NTRK1: variants seen among roughly 807,000 people sequenced by gnomAD.
The protein encoded by NTRK1 is neurotrophic receptor tyrosine kinase 1, also known as high affinity nerve growth factor receptor.
In NTRK1, 62 loss-of-function variants were observed where a neutral mutation model predicts 86.8. That is an observed-to-expected ratio of 0.71 (90% CI 0.58 to 0.88). The LOEUF is 0.88. Among genes scored for constraint, NTRK1 ranks in the 40% least tolerant of loss-of-function variants. NTRK1 has a pLI of 0.00. For missense variants in NTRK1, 967 were observed against 1,078.4 expected (o/e 0.90, Z 1.45); for synonymous variants, 469 against 456.6 (o/e 1.03, Z -0.35).
chr1:156,854,009 G>A lies in NTRK1; in HGVS notation c.51-10345G>A, dbSNP rs55757706. ...CAGCACGGCCCCAAGTGCAGGCAGT[G>A]CCACGTCACGCAGATGTGGCATCTC... On this transcript the variant is annotated intron_variant, in intron 2 of 16. Transcript: ENST00000392302. This position sits in a 1 kb window ranked among gnomAD's most constrained non-coding sequence, Gnocchi z 4.2. 6.2e-7 allele frequency: 1 copy of A among 1,613,886 alleles called. No homozygotes were observed.
chr1:156,881,745 A>G lies in NTRK1; in HGVS notation c.*103A>G, dbSNP rs371153427. The G allele has an allele frequency of 2.3e-5, 28 of 1,197,512 alleles. No individual in the cohort carries two copies. In the African/African-American group the frequency reaches 4.0e-4, roughly 17 times the overall value. 74.2% of individuals were successfully genotyped at this position (1,197,512 alleles called of 1,614,324 possible). On this transcript the variant is annotated 3_prime_UTR_variant, in exon 17 of 17. Transcript: ENST00000524377. ...CCCCAGGGTGATCTCAAAGTATCTA[A>G]TTCACCCTCAGCATGTGGGAAGGGA...
At position 156,854,940 on chromosome 1, in the gene NTRK1, T is replaced by C. The variant is rs555854205; in HGVS notation, c.51-9414T>C. On this transcript the variant is annotated intron_variant, in intron 2 of 16. Transcript: ENST00000392302. This position sits in a 1 kb window ranked among gnomAD's most constrained non-coding sequence, Gnocchi z 4.2. Reference sequence around the variant, plus strand: ...ACAGGGCCCTGCACAGTTTGAGCCCTTGTAGCCTCTCTGATTTCATCCTTT... The same window carrying C: ...ACAGGGCCCTGCACAGTTTGAGCCCCTGTAGCCTCTCTGATTTCATCCTTT... Among the ~76,000 whole-genome samples, 29 of 152,326 alleles carry C rather than the reference T, an allele frequency of 1.9e-4. No homozygotes were observed. Among genetic ancestry groups the C allele is most frequent in the African/African-American group, 6.0e-4 (25 of 41,578 alleles).
chr1:156,861,444 C>G (rs930718576), intron 1 of NTRK1, among the ~76,000 whole-genome samples: 7 of 152,214 alleles, frequency 4.6e-5, no homozygotes. Context: ...GTCTAGAAGG[C>G]GCTTTCTGGA....
chr1:156,844,357 C>G, intron 2 of NTRK1: 1 of 1,553,544 alleles, frequency 6.4e-7, no homozygotes, highest in East Asian at 2.3e-5. Flanking sequence ...TCTTTCCATG[C>G]TGGGAGGTGA....
chr1:156,847,043 A>G (rs1218997700), intron 2 of NTRK1, among the ~76,000 whole-genome samples: 1 of 152,206 alleles, frequency 6.6e-6, no homozygotes, highest in Non-Finnish European at 1.5e-5. Flanking sequence ...AATAAATAAA[A>G]CAAGAAAGTG....
rs962892523 is a variant in NTRK1, at chr1:156,834,565, G to A, written c.-63-7516G>A. On this transcript the variant is annotated intron_variant, in intron 1 of 16. Coordinates refer to the NTRK1 transcript ENST00000392302. ...AGTAACTGGCTGTGTGATCTTAGGC[G>A]AGTCATTTTGCTTCTCAGATCATTG... 2.6e-5 allele frequency among the ~76,000 whole-genome samples: 4 copies of A among 152,130 alleles called. 1 individual carries two copies. The highest frequency in any genetic ancestry group is 9.7e-5 in the African/African-American group (4 of 41,416).
chr1:156,828,102 C>T (rs1217757186), intron 1 of NTRK1, among the ~76,000 whole-genome samples: 1 of 152,154 alleles, frequency 6.6e-6, no homozygotes, highest in African/African-American at 2.4e-5. Flanking sequence ...CATGAGCCAC[C>T]ACATCCAGCC....
chr1:156,875,860 C>T (rs1181775221), intron 12 of NTRK1, 194 bp downstream of exon 12: 5 of 1,068,422 alleles, frequency 4.7e-6, no homozygotes, highest in Non-Finnish European at 6.9e-6. Flanking sequence ...GCATCCCCTG[C>T]CCAGAGTCAC....
intron 1 of NTRK1, among the ~76,000 whole-genome samples, chr1:156,838,709 G>A (rs1372913799): frequency 6.6e-6 from 1 of 152,164 alleles, no homozygotes; most frequent in Non-Finnish European, 1.5e-5. Flanking sequence ...AGTACTTCTG[G>A]GCCAGACACC....
At chr1:156,841,671 TC>T in intron 1 of NTRK1, 4 of 1,613,636 alleles carry the variant, frequency 2.5e-6, no homozygotes, top group Non-Finnish European at 3.4e-6. Context: ...CCACCAGACA[TC>T]CGAGTGGGTG....
chr1:156,847,539 T>C (rs1432606154), intron 2 of NTRK1, among the ~76,000 whole-genome samples: 4 of 152,138 alleles, frequency 2.6e-5, no homozygotes, highest in South Asian at 2.1e-4. Context: ...AAGGGGATGA[T>C]GGAATTCATG....
At chr1:156,817,891 C>T (rs1026009503) in intron 1 of NTRK1, among the ~76,000 whole-genome samples, 1 of 152,148 alleles carries the variant, frequency 6.6e-6, no homozygotes, top group Non-Finnish European at 1.5e-5. Context: ...GATCCACCCA[C>T]CTCGGCCTCC....
chr1:156,823,410 G>A (rs761253740), intron 1 of NTRK1, among the ~76,000 whole-genome samples: 17 of 152,266 alleles, frequency 1.1e-4, no homozygotes, highest in Middle Eastern at 3.4e-3. Flanking sequence ...TGGGTGATGG[G>A]GCAGGACCAG....
At chr1:156,822,823 A>G (rs1408850937) in intron 1 of NTRK1, among the ~76,000 whole-genome samples, 1 of 152,196 alleles carries the variant, frequency 6.6e-6, no homozygotes, top group East Asian at 1.9e-4. Context: ...TTGTGGTAGC[A>G]GCCCATTAAC....
Position 156,878,969 on chromosome 1 carries a change from C to T in NTRK1, c.1806-153C>T, listed in dbSNP as rs533325061. On this transcript the variant is annotated intron_variant, in intron 14 of 16. Coordinates refer to ENST00000524377, the MANE Select transcript of NTRK1 (RefSeq NM_002529.4). ...ACCTGTTCCGCTCCTCCATCCCACC[C>T]CTCTGGACAGCTGCCTCTACTGTTC... 2.6e-5 allele frequency among the ~76,000 whole-genome samples: 4 copies of T among 152,334 alleles called. No individual in the cohort carries two copies. The East Asian group carries it at 7.7e-4, about 29-fold the overall frequency.
intron 1 of NTRK1, chr1:156,815,857 C>T: frequency 1.3e-6 from 2 of 1,581,346 alleles, no homozygotes; most frequent in Non-Finnish European, 1.7e-6. Flanking sequence ...CATTTTCGTT[C>T]TCTCTCTCTG....
At chr1:156,874,480 C>T (rs2102909432) in intron 9 of NTRK1, 80 bp downstream of exon 9, 1 of 1,610,862 alleles carries the variant, frequency 6.2e-7, no homozygotes, top group African/African-American at 1.3e-5. Flanking sequence ...CTGAACTGAT[C>T]CCTGAGAGAC....
intron 2 of NTRK1, chr1:156,843,049 G>A (rs1191674723): frequency 1.9e-6 from 3 of 1,614,104 alleles, no homozygotes; most frequent in South Asian, 2.2e-5. Flanking sequence ...CTTCCTTGAG[G>A]AACTCAATGC....
chr1:156,833,985 T>C (rs1405222804), intron 1 of NTRK1, among the ~76,000 whole-genome samples: 1 of 152,342 alleles, frequency 6.6e-6, no homozygotes, highest in East Asian at 1.9e-4. Context: ...TTCCTGCAGA[T>C]ATCTCTGTGT....
Sources: gnomAD v4.1 joint callset for allele counts (sites outside exome capture counted in the v4.1 genomes callset) on GRCh38, gnomAD v4.1.1 for gene constraint, Gnocchi (gnomAD v3.1) non-coding constraint, MANE v1.5 for transcripts, NCBI Gene and HGNC (gene_info 2026-07-23, HGNC 2026-07-21) for gene names.